Variants in ELL2 observed in about 807,000 individuals in gnomAD.
ELL2 encodes RNA polymerase II elongation factor ELL2.
ELL2 carries 21 observed loss-of-function variants against 72.8 expected under a neutral mutation model. That is an observed-to-expected ratio of 0.29 (90% CI 0.20 to 0.42). The LOEUF (loss-of-function observed/expected upper bound fraction) is 0.42. ELL2 is among the 10% of genes least tolerant of loss of function. The pLI, the probability that ELL2 is intolerant of heterozygous loss-of-function variation, is 1.00. For missense variants in ELL2, 568 were observed against 772.8 expected, an observed-to-expected ratio of 0.73 and a Z score of 3.14; for synonymous variants, 266 against 283.2, an observed-to-expected ratio of 0.94 and a Z score of 0.61.
intron 1 of ELL2, among the ~76,000 whole-genome samples, chr5:95,954,089 C>T (rs1207058452): frequency 6.6e-6 from 1 of 152,174 alleles, no homozygotes; most frequent in East Asian, 1.9e-4. Context: ...TCCAAAATTT[C>T]CATCCAAATA....
intron 4 of ELL2, among the ~76,000 whole-genome samples, chr5:95,907,277 GATAT>G (rs748817419): frequency 4.2e-5 from 5 of 119,920 alleles, no homozygotes; most frequent in African/African-American, 1.4e-4. Flanking sequence ...ATCCGTTAGT[GATAT>G]ATATATATAT....
At chr5:95,953,621 C>T (rs992469863) in intron 1 of ELL2, among the ~76,000 whole-genome samples, 8 of 152,164 alleles carry the variant, frequency 5.3e-5, no homozygotes, top group African/African-American at 4.8e-5. Context: ...AAGAAACAAG[C>T]GCTCATAATA....
chr5:95,939,771 C>A (rs992587366), intron 2 of ELL2, among the ~76,000 whole-genome samples: 3 of 152,188 alleles, frequency 2.0e-5, no homozygotes, highest in African/African-American at 7.2e-5. Context: ...ATACAACTAT[C>A]TTGATTTTTA....
In ELL2 at chr5:95,895,670, G is replaced by A. The variant is rs780547549; in HGVS notation, c.1547C>T (p.Ala516Val). 5.6e-6 allele frequency: 9 copies of A among 1,613,964 alleles called. No individual in the cohort carries two copies. The highest frequency in any genetic ancestry group is 7.6e-6 in the Non-Finnish European group (9 of 1,179,924). The part of the protein sequence containing the change: ...SSGGVKEDCT[A>V]SMEPSAIELP... ...TTCAATTGCTGAAGGTTCCATGGAG[G>A]CAGTGCAATCCTCTTTAACTCCTAT... Residue 516 changes from alanine to valine, a missense_variant, in exon 9 of 12, where the codon GCC becomes GTC. Ala to Val is a moderately conservative substitution (Grantham distance 64, BLOSUM62 0). Around this residue, in one of 2 missense-constraint regions of ELL2, gnomAD observed 511 missense variants for 728.4 expected, o/e 0.70. Coordinates refer to ENST00000237853, the MANE Select transcript of ELL2 (RefSeq NM_012081.6).
At chr5:95,939,442 T>C (rs1297736417) in intron 2 of ELL2, among the ~76,000 whole-genome samples, 1 of 152,184 alleles carries the variant, frequency 6.6e-6, no homozygotes, top group African/African-American at 2.4e-5. Flanking sequence ...GCACAGTGAA[T>C]AAGAAAAAAG....
In ELL2 at chr5:95,900,729, A is replaced by G; in HGVS notation, c.918T>C (p.Pro306=). The G allele has an allele frequency of 2.5e-6, 4 of 1,608,110 alleles. No homozygotes were observed. Among genetic ancestry groups the G allele is most frequent in the Non-Finnish European group, 3.4e-6 (4 of 1,177,518 alleles). Reference sequence around the variant, plus strand: ...ATACAGCGTCTCTACTAGAACATACAGGAGATTCTGAACGGCTGGTGCCTG... The same window carrying G: ...ATACAGCGTCTCTACTAGAACATACGGGAGATTCTGAACGGCTGGTGCCTG... ...NAAGTSRSES[P]VCSSRDAVSS... The change falls in exon 7 of 12, where the codon CCT becomes CCC. Residue 306 remains proline, a synonymous_variant. Coordinates refer to ENST00000237853, the MANE Select transcript of ELL2 (RefSeq NM_012081.6).
Position 95,927,370 on chromosome 5 carries a change from TACAC to T in ELL2, c.196-7829_196-7826del, listed in dbSNP as rs372656152. 1.1e-3 allele frequency among the ~76,000 whole-genome samples: 103 copies of T among 90,902 alleles called. 6 individuals carry two copies. The highest frequency in any genetic ancestry group is 1.7e-3 in the Non-Finnish European group (86 of 50,722). The allele number at this position is 90,902 out of a possible 152,430, so 59.6% of individuals were successfully genotyped here. ...GTATGTGTATGTGTATATATAGACATACACACACACACGTGTGTATATATAGACA... is the reference window on the plus strand; with the variant it reads ...GTATGTGTATGTGTATATATAGACATACACACACGTGTGTATATATAGACA... On this transcript the variant is annotated intron_variant, in intron 2 of 11. Coordinates refer to ENST00000237853, the MANE Select transcript of ELL2 (RefSeq NM_012081.6).
chr5:95,950,940 ATATATATATATAT>A (rs1751369719), intron 1 of ELL2, among the ~76,000 whole-genome samples: 2 of 108,378 alleles, frequency 1.8e-5, no homozygotes, highest in Admixed American at 9.3e-5. Flanking sequence ...ATATATATAT[ATATATATATATAT>A]AAAATCTTCA....
At chr5:95,910,312 A>G (rs1381806653) in intron 4 of ELL2, among the ~76,000 whole-genome samples, 2 of 152,172 alleles carry the variant, frequency 1.3e-5, no homozygotes, top group Non-Finnish European at 2.9e-5. Flanking sequence ...AGAATCCTAG[A>G]AATTAGATTG....
chr5:95,942,802 C>A, intron 2 of ELL2, 200 bp downstream of exon 2: 1 of 343,574 alleles, frequency 2.9e-6, no homozygotes, highest in Non-Finnish European at 5.5e-6. Context: ...TATCAATAAC[C>A]ATATATGAAT....
intron 1 of ELL2, among the ~76,000 whole-genome samples, chr5:95,950,647 T>C (rs560898750): frequency 1.3e-5 from 2 of 152,068 alleles, no homozygotes; most frequent in East Asian, 1.9e-4. Context: ...CTAGTATTTT[T>C]CCCTGTGAGT....
chr5:95,907,296 A>ATATATATATATATATATATTTTTTT, intron 4 of ELL2, among the ~76,000 whole-genome samples: 8 of 116,486 alleles, frequency 6.9e-5, no homozygotes, highest in Admixed American at 2.6e-4. Flanking sequence ...ATATATATAT[A>ATATATATATATATATATATTTTTTT]TTTTTTTTTT....
chr5:95,913,533 T>G, intron 4 of ELL2: 1 of 367,636 alleles, frequency 2.7e-6, no homozygotes, highest in Non-Finnish European at 4.8e-6. Context: ...TATAAAATAA[T>G]AGTAAGTAGC....
rs574139559 is a variant in ELL2 at position 95,893,017 on chromosome 5, C to T, written c.1590-1743G>A. Among the ~76,000 whole-genome samples the T allele has an allele frequency of 8.5e-5, 13 of 152,298 alleles. No individual in the cohort carries two copies. In the South Asian group the frequency reaches 1.9e-3, roughly 22 times the overall value. ...GTTCCTGGGGATAAGCATATATTAG[C>T]AACACAGCTAAACCGATCTTAAAAC... is the stretch of plus-strand genomic sequence containing the variant. On this transcript the variant is annotated intron_variant, in intron 9 of 11. Coordinates refer to ENST00000237853, the MANE Select transcript of ELL2 (RefSeq NM_012081.6).
intron 2 of ELL2, among the ~76,000 whole-genome samples, chr5:95,925,172 A>G (rs1750240611): frequency 6.6e-6 from 1 of 152,234 alleles, no homozygotes; most frequent in African/African-American, 2.4e-5. Flanking sequence ...TCAAACTTAC[A>G]GAATTCTTGT....
chr5:95,906,818 G>A (rs778743444), intron 4 of ELL2, 36 bp from the exon 5 acceptor site: 1 of 1,566,774 alleles, frequency 6.4e-7, no homozygotes, highest in Admixed American at 1.8e-5. Flanking sequence ...TTACACATTT[G>A]TGGGTTACAA....
At chr5:95,906,338 AATTAAGTGCTTAAAATGAG>A (rs1749358966) in intron 5 of ELL2, among the ~76,000 whole-genome samples, 166 bp downstream of exon 5, 1 of 152,238 alleles carries the variant, frequency 6.6e-6, no homozygotes. Flanking sequence ...ACTAGTTTTT[AATTAAGTGCTTAAAATGAG>A]ATGATTTAAC....
intron 1 of ELL2, among the ~76,000 whole-genome samples, chr5:95,946,541 C>G (rs1751166251): frequency 6.6e-6 from 1 of 152,186 alleles, no homozygotes; most frequent in African/African-American, 2.4e-5. Context: ...CTCTCATATA[C>G]CACTGTTGGC....
intron 4 of ELL2, among the ~76,000 whole-genome samples, chr5:95,911,462 C>T (rs1047011256): frequency 5.9e-5 from 9 of 152,124 alleles, no homozygotes; most frequent in Non-Finnish European, 1.0e-4. Flanking sequence ...CTCAGCTTCC[C>T]GCTTAGCTGA....
Sources: gnomAD v4.1 joint callset for allele counts (sites outside exome capture counted in the v4.1 genomes callset) on GRCh38, gnomAD v4.1.1 for gene constraint, gnomAD v4.1.1 regional missense constraint, MANE v1.5 for transcripts, NCBI Gene and HGNC (gene_info 2026-07-23, HGNC 2026-07-21) for gene names.